Variants in ADAMTS17 observed in about 807,000 individuals in gnomAD.
The protein encoded by ADAMTS17 is ADAM metallopeptidase with thrombospondin type 1 motif 17.
A neutral mutation model predicts 141.5 loss-of-function variants in ADAMTS17; 113 were observed. The observed-to-expected ratio is 0.80, with a 90% CI of 0.69 to 0.93. ADAMTS17 has a LOEUF of 0.93. ADAMTS17 is among the 40% of genes least tolerant of loss of function. The pLI, the probability that ADAMTS17 is intolerant of heterozygous loss-of-function variation, is 0.00. For synonymous variants in ADAMTS17, 768 were observed against 630.6 expected (o/e 1.22, Z -3.27); for missense variants, 1,659 against 1,517.9 (o/e 1.09, Z -1.54).
intron 3 of ADAMTS17, among the ~76,000 whole-genome samples, chr15:100,330,658 A>C (rs1393034336): frequency 1.3e-5 from 2 of 152,234 alleles, no homozygotes; most frequent in Middle Eastern, 3.2e-3. Context: ...GAGGGACTGC[A>C]TGAAAGAGAT....
intron 3 of ADAMTS17, among the ~76,000 whole-genome samples, chr15:100,316,645 C>T (rs1012932464): frequency 6.6e-6 from 1 of 152,228 alleles, no homozygotes; most frequent in Non-Finnish European, 1.5e-5. Context: ...TTTTGGGAAA[C>T]CCACTCTATG....
At chr15:100,151,399 G>A (rs112385247) in intron 10 of ADAMTS17, among the ~76,000 whole-genome samples, 15 of 152,186 alleles carry the variant, frequency 9.9e-5, no homozygotes, top group African/African-American at 3.1e-4. Context: ...TACTCAGACA[G>A]GAAGCACTCA....
At chr15:100,141,373 C>A (rs1567242640) in intron 10 of ADAMTS17, among the ~76,000 whole-genome samples, 1 of 152,192 alleles carries the variant, frequency 6.6e-6, no homozygotes, top group African/African-American at 2.4e-5. Flanking sequence ...CCTCTCTGGG[C>A]ATCTGCTGAG....
At chr15:100,296,226 G>C (rs542672803) in intron 3 of ADAMTS17, among the ~76,000 whole-genome samples, 1 of 152,120 alleles carries the variant, frequency 6.6e-6, no homozygotes, top group Non-Finnish European at 1.5e-5. Context: ...GTTTTCCAAT[G>C]AAATTGCCAG....
At chr15:100,139,427 G>A (rs1285708252) in intron 10 of ADAMTS17, among the ~76,000 whole-genome samples, 2 of 152,196 alleles carry the variant, frequency 1.3e-5, no homozygotes, top group Non-Finnish European at 2.9e-5. Flanking sequence ...CACAACCAGG[G>A]GGAGTGCCCC....
chr15:100,113,770 C>A (rs36092433), intron 13 of ADAMTS17, among the ~76,000 whole-genome samples: 64,229 of 152,042 alleles, frequency 0.42, 13,756 homozygotes, highest in Non-Finnish European at 0.46. Flanking sequence ...GCGGAGCTGT[C>A]GTCAGAGAGT....
At chr15:100,083,442 CCTT>C (rs762999497) in intron 15 of ADAMTS17, among the ~76,000 whole-genome samples, 77 of 152,310 alleles carry the variant, frequency 5.1e-4, no homozygotes, top group East Asian at 2.3e-3. Flanking sequence ...CCTGAGATGT[CCTT>C]CTTCTCCCTA....
chr15:100,192,575 AG>A (rs2040959236), intron 8 of ADAMTS17, among the ~76,000 whole-genome samples: 1 of 152,164 alleles, frequency 6.6e-6, no homozygotes, highest in Non-Finnish European at 1.5e-5. Flanking sequence ...TGTGCCTACT[AG>A]GTGGAGCACT....
intron 8 of ADAMTS17, among the ~76,000 whole-genome samples, chr15:100,161,706 G>A (rs1244057498): frequency 6.6e-6 from 1 of 152,176 alleles, no homozygotes; most frequent in Non-Finnish European, 1.5e-5. Flanking sequence ...ACCAGATTGT[G>A]CCCCCAGTCT....
intron 8 of ADAMTS17, among the ~76,000 whole-genome samples, chr15:100,158,144 C>T (rs756530983): frequency 5.3e-5 from 8 of 152,148 alleles, no homozygotes; most frequent in African/African-American, 9.7e-5. Context: ...GCCTCGGCCT[C>T]CCAAAGTGCT....
At chr15:100,017,149 A>G (rs2061306915) in intron 18 of ADAMTS17, among the ~76,000 whole-genome samples, 1 of 151,868 alleles carries the variant, frequency 6.6e-6, no homozygotes, top group African/African-American at 2.4e-5. Flanking sequence ...GAAGTGGGGG[A>G]AAGCCGGCAG....
chr15:100,155,348 C>T lies in ADAMTS17; in HGVS notation c.1182-28G>A, dbSNP rs774911654. 4 of 1,606,878 alleles carry T rather than the reference C, an allele frequency of 2.5e-6. No homozygotes were observed. In the East Asian group the frequency reaches 6.7e-5, roughly 27 times the overall value. ...GTCCAAGAAGGAGGAGAGAGGGATG[C>T]TTATGCTACAAGCTTCTCATTTCCA... is the stretch of plus-strand genomic sequence containing the variant. On this transcript the variant is annotated intron_variant, in intron 8 of 21. Transcript: ENST00000268070.
intron 14 of ADAMTS17, among the ~76,000 whole-genome samples, chr15:100,098,453 C>T (rs1313976544): frequency 6.6e-6 from 1 of 152,100 alleles, no homozygotes; most frequent in East Asian, 1.9e-4. Flanking sequence ...TCAAGACCAG[C>T]CTGGTCAACA....
chr15:100,100,691 C>G (rs915690222), intron 14 of ADAMTS17, among the ~76,000 whole-genome samples: 1 of 152,152 alleles, frequency 6.6e-6, no homozygotes, highest in Non-Finnish European at 1.5e-5. Flanking sequence ...TAGTTTACAC[C>G]CTCCTTAATC....
chr15:99,980,508 G>A (rs2060463091), intron 20 of ADAMTS17: 1 of 152,274 alleles, frequency 6.6e-6, no homozygotes, highest in Non-Finnish European at 1.5e-5. Context: ...AGGAGCATGG[G>A]GCAGGGGGCT....
chr15:100,173,267 T>G (rs2040224435), intron 8 of ADAMTS17, among the ~76,000 whole-genome samples: 1 of 152,108 alleles, frequency 6.6e-6, no homozygotes, highest in African/African-American at 2.4e-5. Context: ...GTCTTTTACC[T>G]CCTCTTCACC....
chr15:100,044,674 C>T (rs1451398585), intron 18 of ADAMTS17, among the ~76,000 whole-genome samples: 1 of 152,198 alleles, frequency 6.6e-6, no homozygotes, highest in Non-Finnish European at 1.5e-5. Flanking sequence ...TAATGGCCTT[C>T]TCTTTTGAGT....
At chr15:100,310,601 C>T (rs1949103273) in intron 3 of ADAMTS17, among the ~76,000 whole-genome samples, 1 of 152,216 alleles carries the variant, frequency 6.6e-6, no homozygotes, top group South Asian at 2.1e-4. Context: ...AGGTCCCCTG[C>T]AGCAGATGTG....
chr15:100,024,315 C>A (rs148349167), intron 18 of ADAMTS17, among the ~76,000 whole-genome samples: 204 of 152,304 alleles, frequency 1.3e-3, no homozygotes, highest in African/African-American at 4.7e-3. Context: ...TGGCTGGTCT[C>A]AAACTCCTGG....
Sources: allele counts gnomAD v4.1 joint callset (sites outside exome capture counted in the v4.1 genomes callset), GRCh38; gene constraint gnomAD v4.1.1; transcripts MANE v1.5; gene names NCBI Gene and HGNC (gene_info 2026-07-23, HGNC 2026-07-21).